Variants in GOLGA4 observed in about 807,000 individuals in gnomAD.
The protein encoded by GOLGA4 is golgin subfamily A member 4.
A neutral mutation model predicts 265.9 loss-of-function variants in GOLGA4; 169 were observed. The ratio of observed to expected loss-of-function variants is 0.64; its 90% CI spans 0.56 to 0.72. The LOEUF (loss-of-function observed/expected upper bound fraction) is 0.72, where lower values mean the gene tolerates loss of function less well. GOLGA4 is among the 30% of genes least tolerant of loss of function. The probability of loss-of-function intolerance (pLI) is 0.00; values close to 1 mark genes in which losing one functional copy is unlikely to be tolerated. For synonymous variants in GOLGA4, 923 were observed against 855.8 expected (o/e 1.08, Z -1.37); for missense variants, 2,482 against 2,483.4 (o/e 1.00, Z 0.01).
chr3:37,262,654 G>A (rs983742743), intron 2 of GOLGA4, among the ~76,000 whole-genome samples: 2 of 152,080 alleles, frequency 1.3e-5, no homozygotes, highest in Non-Finnish European at 2.9e-5. Context: ...TGTAATCCCA[G>A]CAGTTTGGGA....
rs1304901493 is a variant in GOLGA4, at chr3:37,326,570, T to C, written c.4684T>C (p.Leu1562=). The C allele has an allele frequency of 1.9e-6, 3 of 1,612,588 alleles. No individual in the cohort carries two copies. Among genetic ancestry groups the C allele is most frequent in the African/African-American group, 1.3e-5 (1 of 74,978 alleles). The part of the protein sequence containing the change: ...NQQKDIEHKE[L]VQKLQHFQEL... ...ACAAAAGGATATTGAACACAAAGAATTGGTTCAGAAACTTCAACATTTTCA... is the reference window on the plus strand; with the variant it reads ...ACAAAAGGATATTGAACACAAAGAACTGGTTCAGAAACTTCAACATTTTCA... Residue 1562 remains leucine (L), a synonymous_variant, in exon 14 of 24, where the codon TTG becomes CTG. Transcript: ENST00000361924.
In GOLGA4 at chr3:37,315,451, A is replaced by G. The variant is rs1174579225; in HGVS notation, c.1266A>G (p.Thr422=). 1 of 1,613,812 alleles carries G rather than the reference A, an allele frequency of 6.2e-7. No homozygotes were observed. The highest frequency in any genetic ancestry group is 1.3e-5 in the African/African-American group (1 of 74,920). ...AFEELEKALS[T]AQKTEEARRK... ...AGGAACTTGAAAAAGCTTTGAGTAC[A>G]GCCCAAAAAACAGAGGAAGCACGGA... Residue 422 remains threonine (T), a synonymous_variant, in exon 11 of 24, where the codon ACA becomes ACG. Transcript: ENST00000361924.
intron 20 of GOLGA4, among the ~76,000 whole-genome samples, chr3:37,346,592 T>C (rs114406959): frequency 0.028 from 4,205 of 152,342 alleles, 154 homozygotes; most frequent in African/African-American, 0.085. Context: ...GTTGCGATTT[T>C]GCTTTTATAA....
rs550459729 is a variant in GOLGA4, at chr3:37,334,698, A to G, written c.6193-355A>G. The stretch of plus-strand genomic sequence containing the variant: ...TGTAGTTCTATCACAATTCTGTTAT[A>G]TATCTAATTGTTGCTTAAACCTGGG... On this transcript the variant is annotated intron_variant, in intron 16 of 23. Transcript: ENST00000361924. Among the ~76,000 whole-genome samples, 9 of 152,306 alleles carry G rather than the reference A, an allele frequency of 5.9e-5. No homozygotes were observed. The East Asian group carries it at 1.7e-3, about 29-fold the overall frequency.
At chr3:37,272,863 T>C (rs1198763542) in intron 2 of GOLGA4, among the ~76,000 whole-genome samples, 2 of 152,194 alleles carry the variant, frequency 1.3e-5, no homozygotes, top group Non-Finnish European at 2.9e-5. Context: ...GTATTATAAA[T>C]GCAGTGTAGA....
chr3:37,309,402 A>C (rs1420195627), intron 10 of GOLGA4, among the ~76,000 whole-genome samples: 1 of 152,038 alleles, frequency 6.6e-6, no homozygotes, highest in African/African-American at 2.4e-5. Context: ...TAAAAATACA[A>C]AAATTAGCTG....
intron 15 of GOLGA4, 87 bp downstream of exon 15, chr3:37,328,624 ATT>A (rs1220706874): frequency 8.6e-7 from 1 of 1,165,068 alleles, no homozygotes; most frequent in Non-Finnish European, 1.2e-6. Flanking sequence ...TGGTAAGTGC[ATT>A]AAGTCATTAA....
intron 5 of GOLGA4, among the ~76,000 whole-genome samples, chr3:37,289,585 T>G (rs1320740033): frequency 6.6e-6 from 1 of 152,240 alleles, no homozygotes; most frequent in African/African-American, 2.4e-5. Flanking sequence ...TATTTCAGGC[T>G]TCTTTTTGTT....
chr3:37,320,660 A>G (rs1245302071), intron 12 of GOLGA4, among the ~76,000 whole-genome samples: 6 of 152,262 alleles, frequency 3.9e-5, no homozygotes, highest in Non-Finnish European at 8.8e-5. Context: ...GGGGCAAGAA[A>G]GTTAAGGAAC....
At chr3:37,262,387 TC>T (rs1423314325) in intron 2 of GOLGA4, among the ~76,000 whole-genome samples, 1 of 151,980 alleles carries the variant, frequency 6.6e-6, no homozygotes, top group Non-Finnish European at 1.5e-5. Flanking sequence ...ATACCTGTTA[TC>T]CCAGCTACTC....
At chr3:37,305,532 TA>T (rs2096903850) in intron 10 of GOLGA4, among the ~76,000 whole-genome samples, 2 of 152,222 alleles carry the variant, frequency 1.3e-5, no homozygotes, top group Non-Finnish European at 2.9e-5. Context: ...AATTAAGTAC[TA>T]AACATAAGAA....
intron 2 of GOLGA4, among the ~76,000 whole-genome samples, chr3:37,275,284 C>T (rs1171234510): frequency 6.6e-6 from 1 of 151,206 alleles, no homozygotes; most frequent in Non-Finnish European, 1.5e-5. Context: ...AATGAGCTTC[C>T]CAAACTCTGT....
intron 20 of GOLGA4, among the ~76,000 whole-genome samples, chr3:37,344,423 A>C (rs2097049366): frequency 6.7e-6 from 1 of 150,108 alleles, no homozygotes; most frequent in African/African-American, 2.5e-5. Context: ...ATTTTTGAAG[A>C]TCTGTTTCTG....
At chr3:37,252,351 A>G (rs1278760383) in intron 2 of GOLGA4, among the ~76,000 whole-genome samples, 2 of 146,040 alleles carry the variant, frequency 1.4e-5, no homozygotes, top group African/African-American at 2.5e-5. Context: ...TTTACCTCTT[A>G]AATATGCTTT....
At chr3:37,267,934 T>C (rs2096787923) in intron 2 of GOLGA4, among the ~76,000 whole-genome samples, 1 of 152,174 alleles carries the variant, frequency 6.6e-6, no homozygotes, top group South Asian at 2.1e-4. Flanking sequence ...AGGGAGATAA[T>C]GGGATTTCTA....
At chr3:37,363,558 T>C (rs576497049) in intron 23 of GOLGA4, among the ~76,000 whole-genome samples, 1 of 152,346 alleles carries the variant, frequency 6.6e-6, no homozygotes, top group East Asian at 1.9e-4. Context: ...TCCATTTATA[T>C]TATTCCCCAT....
chr3:37,326,994 C>A lies in GOLGA4; in HGVS notation c.5108C>A (p.Ser1703Ter). Residue 1703 changes from serine to a stop codon, truncating the protein, a stop_gained, in exon 14 of 24, where the codon TCA becomes TAA. Coordinates refer to ENST00000361924, the MANE Select transcript of GOLGA4 (RefSeq NM_002078.5). LOFTEE classifies it high-confidence loss of function. ...EKLKSVESSQ[S>*]ETLIVPRSAK... is the part of the protein sequence containing the mutation. ...CTTAAGTCAGTGGAAAGTTCACAGT[C>A]AGAAACATTAATTGTACCCAGATCA... 1 of 1,613,724 alleles carries A rather than the reference C, an allele frequency of 6.2e-7. No homozygotes were observed. The highest frequency in any genetic ancestry group is 1.1e-5 in the South Asian group (1 of 91,018).
At chr3:37,310,644 T>C (rs1339279252) in intron 10 of GOLGA4, among the ~76,000 whole-genome samples, 2 of 152,190 alleles carry the variant, frequency 1.3e-5, no homozygotes, top group African/African-American at 4.8e-5. Flanking sequence ...ATAAAGGGTC[T>C]GCCCTGCATT....
intron 20 of GOLGA4, among the ~76,000 whole-genome samples, chr3:37,340,539 C>T (rs770797895): frequency 9.9e-5 from 15 of 152,062 alleles, no homozygotes; most frequent in East Asian, 1.9e-4. Flanking sequence ...TGTAGTCAAC[C>T]GTATTTTACA....
Sources: gnomAD v4.1 joint callset for allele counts (sites outside exome capture counted in the v4.1 genomes callset) on GRCh38, gnomAD v4.1.1 for gene constraint, MANE v1.5 for transcripts, NCBI Gene and HGNC (gene_info 2026-07-23, HGNC 2026-07-21) for gene names.